The following IL1RL1 variants were observed in gnomAD, a reference collection of about 807,000 sequenced individuals.
IL1RL1 encodes interleukin-1 receptor-like 1.
In IL1RL1, 32 loss-of-function variants were observed where a neutral mutation model predicts 50.9. The observed-to-expected ratio is 0.63, with a 90% CI of 0.47 to 0.84. IL1RL1 has a LOEUF of 0.84. Ranked by LOEUF, IL1RL1 falls within the 40% of genes least tolerant of loss-of-function variation. IL1RL1 has a pLI of 0.00. For missense variants in IL1RL1, 773 were observed against 662.9 expected, an observed-to-expected ratio of 1.17 and a Z score of -1.82; for synonymous variants, 275 against 236.0, an observed-to-expected ratio of 1.17 and a Z score of -1.51.
intron 9 of IL1RL1, among the ~76,000 whole-genome samples, chr2:102,348,644 G>A (rs143130441): frequency 6.6e-6 from 1 of 152,286 alleles, no homozygotes; most frequent in East Asian, 1.9e-4. Context: ...TGAAGTAGGA[G>A]CTCATTGTTT....
Position 102,351,899 on chromosome 2 carries a change from C to G in IL1RL1, c.1649C>G (p.Pro550Arg). 3.7e-6 allele frequency: 6 copies of G among 1,611,256 alleles called. No individual in the cohort carries two copies. In the South Asian group the frequency reaches 5.5e-5, roughly 15 times the overall value. ...CCCAGAAAGGCCTCTAGTTTGACTC[C>G]CTTGGCTGCCCAGAAGCAATAGTGC... ...KIPRKASSLT[P>R]LAAQKQ The change falls in exon 11 of 11, where the codon CCC becomes CGC. Residue 550 changes from proline to arginine, a missense_variant. Pro to Arg is a moderately radical substitution (Grantham distance 103). Coordinates refer to ENST00000233954, the MANE Select transcript of IL1RL1 (RefSeq NM_016232.5).
rs145303895 is a variant in IL1RL1, at chr2:102,351,664, C to A, written c.1414C>A (p.Gln472Lys). 8 of 1,613,966 alleles carry A rather than the reference C, an allele frequency of 5.0e-6. No individual in the cohort carries two copies. In the African/African-American group the frequency reaches 1.1e-4, roughly 22 times the overall value. Reference sequence around the variant, plus strand: ...GGTTGCCCTGCACTGTGCCCTCATCCAGAACGACGCCAAGGTGATACTTAT... The same window carrying A: ...GGTTGCCCTGCACTGTGCCCTCATCAAGAACGACGCCAAGGTGATACTTAT... Reference protein sequence around the residue: ...QEVALHCALIQNDAKVILIEM... With the variant: ...QEVALHCALIKNDAKVILIEM... Residue 472 changes from glutamine (Q) to lysine (K), a missense_variant, in exon 11 of 11, where the codon CAG becomes AAG. Physicochemically the swap from Gln to Lys is moderately conservative, Grantham distance 53 (BLOSUM62 1). Transcript: ENST00000233954.
intron 1 of IL1RL1, among the ~76,000 whole-genome samples, chr2:102,329,866 T>C (rs933689839): frequency 5.9e-5 from 9 of 152,068 alleles, no homozygotes; most frequent in African/African-American, 1.9e-4. Context: ...TGTGGAGAAA[T>C]AGGAACACTT....
chr2:102,331,684 C>T (rs1361992574), intron 1 of IL1RL1, among the ~76,000 whole-genome samples: 1 of 152,200 alleles, frequency 6.6e-6, no homozygotes, highest in African/African-American at 2.4e-5. Context: ...TGGTGAAAGA[C>T]AGACTGCTCC....
Position 102,351,830 on chromosome 2 carries a change from T to G in IL1RL1, c.1580T>G (p.Phe527Cys). ...IANKRSLNSKFWKHVRYQMPV... is the reference protein window; with the variant it reads ...IANKRSLNSKCWKHVRYQMPV... ...AATAAAAGGTCCCTGAATTCTAAAT[T>G]CTGGAAGCACGTGAGGTACCAAATG... Residue 527 changes from phenylalanine (F) to cysteine (C), a missense_variant, in exon 11 of 11, where the codon TTC (phenylalanine) becomes TGC (cysteine). Physicochemically the swap from Phe to Cys is radical, Grantham distance 205. Transcript: ENST00000233954. 6.2e-7 allele frequency: 1 copy of G among 1,613,980 alleles called. No homozygotes were observed. The highest frequency in any genetic ancestry group is 8.5e-7 in the Non-Finnish European group (1 of 1,179,926).
chr2:102,312,796 A>T (rs937973678), intron 1 of IL1RL1: 2 of 152,138 alleles, frequency 1.3e-5, no homozygotes, highest in Admixed American at 1.3e-4. Flanking sequence ...TGGTGGCTCC[A>T]TTCTTCTTCT....
chr2:102,348,669 T>C (rs1330979670), intron 9 of IL1RL1, among the ~76,000 whole-genome samples: 1 of 152,206 alleles, frequency 6.6e-6, no homozygotes, highest in African/African-American at 2.4e-5. Flanking sequence ...TGTGGAAAAT[T>C]CAGATCCCTT....
intron 1 of IL1RL1, among the ~76,000 whole-genome samples, chr2:102,318,927 A>G (rs1676757234): frequency 6.6e-6 from 1 of 152,216 alleles, no homozygotes; most frequent in Admixed American, 6.5e-5. Context: ...TAAAGAAACA[A>G]GTAATGCAAT....
At chr2:102,332,759 A>G (rs543739428) in intron 1 of IL1RL1, among the ~76,000 whole-genome samples, 1 of 152,336 alleles carries the variant, frequency 6.6e-6, no homozygotes, top group East Asian at 1.9e-4. Context: ...CACATTGTGA[A>G]TGTACCAAAT....
chr2:102,340,898 C>A, intron 5 of IL1RL1, 70 bp downstream of exon 5: 1 of 1,276,562 alleles, frequency 7.8e-7, no homozygotes, highest in Non-Finnish European at 1.1e-6. Context: ...CGGTGCCCTT[C>A]TGGTTGGGTT....
chr2:102,317,473 A>G (rs539147811), intron 1 of IL1RL1, among the ~76,000 whole-genome samples: 1 of 152,288 alleles, frequency 6.6e-6, no homozygotes, highest in South Asian at 2.1e-4. Flanking sequence ...CACTCCTTTA[A>G]TACAACAAAC....
At chr2:102,326,417 A>G (rs376840488) in intron 1 of IL1RL1, among the ~76,000 whole-genome samples, 1 of 152,178 alleles carries the variant, frequency 6.6e-6, no homozygotes, top group African/African-American at 2.4e-5. Flanking sequence ...TGTAAAGACC[A>G]TCAAGGCTAG....
intron 1 of IL1RL1, among the ~76,000 whole-genome samples, chr2:102,323,816 C>G (rs1259469252): frequency 1.3e-5 from 2 of 152,130 alleles, no homozygotes; most frequent in Non-Finnish European, 2.9e-5. Flanking sequence ...ACCTCTGAAA[C>G]CATCATCTCA....
chr2:102,330,181 TC>T lies in IL1RL1; in HGVS notation c.-149-7933del, dbSNP rs1388282585. Among the ~76,000 whole-genome samples the T allele has an allele frequency of 3.3e-5, 5 of 152,340 alleles. No individual in the cohort carries two copies. The East Asian group carries it at 9.6e-4, about 29-fold the overall frequency. On this transcript the variant is annotated intron_variant, in intron 1 of 10. Coordinates refer to ENST00000233954, the MANE Select transcript of IL1RL1 (RefSeq NM_016232.5). ...GCCATAAAAAGATGATGAGTTCATGTCCTTTGTAGGGACATGGATGAAACTG... is the reference window on the plus strand; with the variant it reads ...GCCATAAAAAGATGATGAGTTCATGTCTTTGTAGGGACATGGATGAAACTG...
At chr2:102,319,044 T>C (rs1279398031) in intron 1 of IL1RL1, among the ~76,000 whole-genome samples, 1 of 152,046 alleles carries the variant, frequency 6.6e-6, no homozygotes, top group Non-Finnish European at 1.5e-5. Context: ...AATTTAAAAA[T>C]AAGTAAATCA....
intron 1 of IL1RL1, among the ~76,000 whole-genome samples, chr2:102,312,005 A>ATATAT (rs1676521841): frequency 4.6e-5 from 1 of 21,608 alleles, no homozygotes; most frequent in Non-Finnish European, 7.5e-5. Flanking sequence ...TAATATATTT[A>ATATAT]TATATATTAT....
chr2:102,351,624 T>C lies in IL1RL1; in HGVS notation c.1374T>C (p.Phe458=). The change falls in exon 11 of 11, where the codon TTT becomes TTC. Residue 458 remains phenylalanine, a synonymous_variant. Coordinates refer to ENST00000233954, the MANE Select transcript of IL1RL1 (RefSeq NM_016232.5). Reference sequence around the variant, plus strand: ...CTCAGATCACTCACAATAAGGAGTTTGCCTACGAGCAGGAGGTTGCCCTGC... The same window carrying C: ...CTCAGATCACTCACAATAAGGAGTTCGCCTACGAGCAGGAGGTTGCCCTGC... The part of the protein sequence containing the change: ...LTPQITHNKE[F]AYEQEVALHC... 6.2e-7 allele frequency: 1 copy of C among 1,614,126 alleles called. No individual in the cohort carries two copies. Among genetic ancestry groups the C allele is most frequent in the Non-Finnish European group, 8.5e-7 (1 of 1,179,990 alleles).
At chr2:102,316,869 A>C in intron 1 of IL1RL1, among the ~76,000 whole-genome samples, 1 of 152,176 alleles carries the variant, frequency 6.6e-6, no homozygotes, top group East Asian at 1.9e-4. Flanking sequence ...GCTCTGATTG[A>C]GTGTCAAACT....
At chr2:102,318,445 G>C (rs1282298107) in intron 1 of IL1RL1, among the ~76,000 whole-genome samples, 1 of 148,346 alleles carries the variant, frequency 6.7e-6, no homozygotes, top group African/African-American at 2.7e-5. Context: ...ATGGTTGGAA[G>C]AGCAGATTTT....
Sources: gnomAD v4.1 joint callset for allele counts (sites outside exome capture counted in the v4.1 genomes callset) on GRCh38, gnomAD v4.1.1 for gene constraint, MANE v1.5 for transcripts, NCBI Gene and HGNC (gene_info 2026-07-23, HGNC 2026-07-21) for gene names.